FAM177A1: variants seen among roughly 807,000 people sequenced by gnomAD.
FAM177A1 encodes protein FAM177A1.
Under a neutral mutation model 26.1 loss-of-function variants are expected in FAM177A1, and 22 were observed. The ratio of observed to expected loss-of-function variants is 0.84; its 90% CI spans 0.60 to 1.20. The LOEUF is 1.20. Ranked by LOEUF, FAM177A1 falls within the 50% of genes most tolerant of loss-of-function variation. FAM177A1 has a pLI of 0.00. For missense variants in FAM177A1, 296 were observed against 291.1 expected (o/e 1.02, Z -0.12); for synonymous variants, 95 against 99.3 (o/e 0.96, Z 0.26).
At chr14:35,058,737 G>T (rs1026779490) in intron 2 of FAM177A1, among the ~76,000 whole-genome samples, 2 of 152,062 alleles carry the variant, frequency 1.3e-5, no homozygotes, top group Non-Finnish European at 2.9e-5. Flanking sequence ...TTAGCCATGC[G>T]TGGTGGCACA....
rs556837289 is a variant in FAM177A1 at position 35,049,181 on chromosome 14, C to T, written c.165+2553C>T. 7.2e-5 allele frequency among the ~76,000 whole-genome samples: 11 copies of T among 152,038 alleles called. No homozygotes were observed. The East Asian group carries it at 7.7e-4, about 11-fold the overall frequency. ...TGCTGGGATTACAGGTGTGAGCCAC[C>T]GCACCCGGCCTCCTGTTGTGACATT... On this transcript the variant is annotated intron_variant, in intron 1 of 4. Coordinates refer to ENST00000280987, the MANE Select transcript of FAM177A1 (RefSeq NM_173607.5).
intron 2 of FAM177A1, among the ~76,000 whole-genome samples, chr14:35,064,888 G>A (rs1360633125): frequency 6.6e-6 from 1 of 151,958 alleles, no homozygotes; most frequent in African/African-American, 2.4e-5. Context: ...TGCTGACCTC[G>A]TGATCCGCCC....
At position 35,072,642 on chromosome 14, in the gene FAM177A1, G is replaced by A. The variant is rs182914573; in HGVS notation, c.340-4508G>A. Among the ~76,000 whole-genome samples the A allele has an allele frequency of 2.2e-3, 334 of 152,266 alleles. 7 individuals carry two copies. Among genetic ancestry groups the A allele is most frequent in the Non-Finnish European group, 2.2e-3 (151 of 68,016 alleles). ...GGGTCCATGTTGTAAAAGAAGTCAAGTAGTCTTGAAAAATCGGAGCCCTTC... is the reference window on the plus strand; with the variant it reads ...GGGTCCATGTTGTAAAAGAAGTCAAATAGTCTTGAAAAATCGGAGCCCTTC... On this transcript the variant is annotated intron_variant, in intron 2 of 4. Transcript: ENST00000280987.
In FAM177A1 at chr14:35,079,003, A is replaced by G; in HGVS notation, c.483A>G (p.Glu161=). 2 of 1,555,960 alleles carry G rather than the reference A, an allele frequency of 1.3e-6. No homozygotes were observed. Among genetic ancestry groups the G allele is most frequent in the South Asian group, 2.5e-5 (2 of 79,804 alleles). ...STPKYQYAID[E]YYRMKKEEEE... ...CAAAGTACCAATATGCCATTGATGA[A>G]TATTATCGGATGAAGAAGGAGGTAT... Residue 161 remains glutamate, a synonymous_variant, in exon 4 of 5, where the codon GAA becomes GAG. Coordinates refer to ENST00000280987, the MANE Select transcript of FAM177A1 (RefSeq NM_173607.5).
chr14:35,047,119 T>A, intron 1 of FAM177A1: 1 of 566,778 alleles, frequency 1.8e-6, no homozygotes, highest in Non-Finnish European at 2.2e-6. Flanking sequence ...CCGAGGCAAC[T>A]AAGGCTCCGA....
intron 1 of FAM177A1, among the ~76,000 whole-genome samples, chr14:35,047,893 A>G (rs2044899240): frequency 6.6e-6 from 1 of 152,196 alleles, no homozygotes; most frequent in Non-Finnish European, 1.5e-5. Context: ...TGTTAGTAAG[A>G]CATTTCCCCC....
chr14:35,072,944 A>G (rs1047611488), intron 2 of FAM177A1, among the ~76,000 whole-genome samples: 1 of 152,222 alleles, frequency 6.6e-6, no homozygotes, highest in African/African-American at 2.4e-5. Context: ...ACTTGGGCAC[A>G]GTTTTCTCCA....
chr14:35,079,125 C>G, intron 4 of FAM177A1, 101 bp downstream of exon 4: 1 of 729,058 alleles, frequency 1.4e-6, no homozygotes. Flanking sequence ...CAACATGTAG[C>G]TCTCTTATGC....
At chr14:35,077,468 C>CTTTTTTTTTT (rs150813883) in intron 3 of FAM177A1, among the ~76,000 whole-genome samples, 1 of 79,528 alleles carries the variant, frequency 1.3e-5, no homozygotes, top group Admixed American at 1.9e-4. Flanking sequence ...TTTTCAAGTT[C>CTTTTTTTTTT]TTTTTTTTTT....
rs547878925 is a variant in FAM177A1, at chr14:35,065,213, G to T, written c.339+11762G>T. Among the ~76,000 whole-genome samples the T allele has an allele frequency of 2.0e-5, 3 of 150,616 alleles. No individual in the cohort carries two copies. In the South Asian group the frequency reaches 6.3e-4, roughly 32 times the overall value. On this transcript the variant is annotated intron_variant, in intron 2 of 4. Transcript: ENST00000280987. The stretch of plus-strand genomic sequence containing the variant: ...TTGAGACGGAGTCTCTCTCTCTCTC[G>T]CCCAGGCTGGAGTGCGGTGGTGCGA...
At chr14:35,057,280 C>T (rs775981924) in intron 2 of FAM177A1, among the ~76,000 whole-genome samples, 2 of 152,110 alleles carry the variant, frequency 1.3e-5, no homozygotes, top group Admixed American at 6.5e-5. Context: ...AGGCTGGCTT[C>T]GAACTCATGG....
At chr14:35,064,898 C>T (rs113749289) in intron 2 of FAM177A1, among the ~76,000 whole-genome samples, 7 of 152,186 alleles carry the variant, frequency 4.6e-5, no homozygotes, top group South Asian at 2.1e-4. Context: ...GTGATCCGCC[C>T]GCTTCAGCCT....
intron 2 of FAM177A1, among the ~76,000 whole-genome samples, chr14:35,067,612 T>C (rs2045259016): frequency 6.6e-6 from 1 of 152,200 alleles, no homozygotes; most frequent in East Asian, 1.9e-4. Flanking sequence ...CATCCTGTTT[T>C]CCAAAATGGC....
intron 2 of FAM177A1, among the ~76,000 whole-genome samples, chr14:35,061,281 C>T (rs544957392): frequency 8.6e-5 from 13 of 152,042 alleles, no homozygotes; most frequent in Middle Eastern, 3.4e-3. Flanking sequence ...GAGTTGTCTG[C>T]TTTGTTTCCT....
At position 35,057,251 on chromosome 14, in the gene FAM177A1, G is replaced by T. The variant is rs559314392; in HGVS notation, c.339+3800G>T. 8.8e-4 allele frequency among the ~76,000 whole-genome samples: 134 copies of T among 152,172 alleles called. 1 individual carries two copies. The highest frequency in any genetic ancestry group is 6.0e-3 in the South Asian group (29 of 4,820). On this transcript the variant is annotated intron_variant, in intron 2 of 4. Coordinates refer to ENST00000280987, the MANE Select transcript of FAM177A1 (RefSeq NM_173607.5). ...TTGTTGTTCTTGTTGTTTACAAATGGGGTCCTGCTATATTGCCTAGGCTGG... is the reference window on the plus strand; with the variant it reads ...TTGTTGTTCTTGTTGTTTACAAATGTGGTCCTGCTATATTGCCTAGGCTGG...
At chr14:35,077,547 A>G (rs1406107978) in intron 3 of FAM177A1, among the ~76,000 whole-genome samples, 2 of 140,938 alleles carry the variant, frequency 1.4e-5, no homozygotes, top group Non-Finnish European at 3.0e-5. Flanking sequence ...CAGTGGCACA[A>G]TCTTGGCTCA....
intron 2 of FAM177A1, among the ~76,000 whole-genome samples, chr14:35,060,065 C>G (rs1170037431): frequency 6.6e-6 from 1 of 152,062 alleles, no homozygotes; most frequent in Non-Finnish European, 1.5e-5. Context: ...CCTCTGCTTC[C>G]TGGATTCAGG....
At position 35,081,256 on chromosome 14, in the gene FAM177A1, CTTAA is replaced by C. The variant is rs781535637; in HGVS notation, c.*29_*32del. The C allele has an allele frequency of 1.6e-5, 25 of 1,561,010 alleles. No homozygotes were observed. Among genetic ancestry groups the C allele is most frequent in the East Asian group, 6.8e-5 (3 of 44,142 alleles). The stretch of plus-strand genomic sequence containing the variant: ...TGAAATGACTATCAAGCTTCAAACT[CTTAA>C]GTTTTTTTTTTTTAATACAAAAACT... On this transcript the variant is annotated 3_prime_UTR_variant, in exon 5 of 5. Transcript: ENST00000280987.
At chr14:35,078,247 C>T (rs1223790395) in intron 3 of FAM177A1, among the ~76,000 whole-genome samples, 1 of 152,184 alleles carries the variant, frequency 6.6e-6, no homozygotes, top group Non-Finnish European at 1.5e-5. Flanking sequence ...TTTAACCTCT[C>T]TACGCCTAAC....
Sources: allele counts gnomAD v4.1 joint callset (sites outside exome capture counted in the v4.1 genomes callset), GRCh38; gene constraint gnomAD v4.1.1; transcripts MANE v1.5; gene names NCBI Gene and HGNC (gene_info 2026-07-23, HGNC 2026-07-21).